The following FAAH2 variants were observed in gnomAD, a reference collection of about 807,000 sequenced individuals.
FAAH2 encodes fatty-acid amide hydrolase 2.
In FAAH2, 60 loss-of-function variants were observed where a neutral mutation model predicts 36.9. That is an observed-to-expected ratio of 1.63 (90% CI 1.32 to 2.02). FAAH2 has a LOEUF of 2.02. FAAH2 is among the 30% of genes most tolerant of loss of function. The pLI is 0.00. For synonymous variants in FAAH2, 214 were observed against 143.8 expected, an observed-to-expected ratio of 1.49 and a Z score of -3.49; for missense variants, 689 against 397.5, an observed-to-expected ratio of 1.73 and a Z score of -6.23.
intron 10 of FAAH2, among the ~76,000 whole-genome samples, chrX:57,475,142 G>A (rs74424632): frequency 2.7e-5 from 3 of 111,420 alleles, no homozygotes; most frequent in Non-Finnish European, 5.7e-5. Flanking sequence ...CATTTTGTAG[G>A]TTATCTGTTC....
chrX:57,322,029 C>T (rs1052994790), intron 3 of FAAH2, among the ~76,000 whole-genome samples: 1 of 81,107 alleles, frequency 1.2e-5, no homozygotes, highest in Non-Finnish European at 2.5e-5. Context: ...GAACATGAAA[C>T]TCCAGATTGC....
chrX:57,447,852 A>T (rs2056710779), intron 9 of FAAH2, among the ~76,000 whole-genome samples: 2 of 112,139 alleles, frequency 1.8e-5, no homozygotes, highest in South Asian at 7.4e-4. Flanking sequence ...TGCCCTGGAG[A>T]CATTTTCTCC....
At chrX:57,155,153 G>T in the FAAH2 span, among the ~76,000 whole-genome samples, 5 of 112,105 alleles carry the variant, frequency 4.5e-5, no homozygotes, top group African/African-American at 6.5e-5. Context: ...GTTTTGTGCT[G>T]GTTGGCCTCC....
the FAAH2 span, among the ~76,000 whole-genome samples, chrX:57,237,680 G>A: frequency 9.0e-6 from 1 of 110,597 alleles, no homozygotes; most frequent in South Asian, 3.8e-4. Context: ...CTTCTGCATA[G>A]CAAAAAAACC....
At chrX:57,272,130 T>A in the FAAH2 span, among the ~76,000 whole-genome samples, 3 of 102,721 alleles carry the variant, frequency 2.9e-5, no homozygotes, top group Non-Finnish European at 4.0e-5. Context: ...GCTGAATAGA[T>A]CAAGCAGAAG....
chrX:57,407,280 C>A (rs896396584), intron 7 of FAAH2, among the ~76,000 whole-genome samples: 3 of 111,802 alleles, frequency 2.7e-5, no homozygotes, highest in African/African-American at 6.5e-5. Context: ...GGGTGCAAAA[C>A]CTTTATGGCA....
At chrX:57,487,547 G>A (rs2057497825) in intron 10 of FAAH2, among the ~76,000 whole-genome samples, 1 of 111,584 alleles carries the variant, frequency 9.0e-6, no homozygotes, top group Non-Finnish European at 1.9e-5. Context: ...TTACTCATTA[G>A]GGAAATGCAT....
At chrX:57,287,321 G>C (rs1300363000) in intron 1 of FAAH2, among the ~76,000 whole-genome samples, 1 of 111,146 alleles carries the variant, frequency 9.0e-6, no homozygotes, top group Non-Finnish European at 1.9e-5. Flanking sequence ...CTGATTCTCA[G>C]CTATGGAAAG....
chrX:57,294,564 T>C (rs1457734571), intron 2 of FAAH2, among the ~76,000 whole-genome samples: 2 of 112,203 alleles, frequency 1.8e-5, no homozygotes, highest in Admixed American at 9.5e-5. Flanking sequence ...TCTTCTTCTT[T>C]ATTTATCATC....
At chrX:57,370,593 A>G (rs941215141) in intron 5 of FAAH2, among the ~76,000 whole-genome samples, 8 of 111,820 alleles carry the variant, frequency 7.2e-5, no homozygotes, top group African/African-American at 2.6e-4. Context: ...ACTCAGATAT[A>G]AACTATACTC....
chrX:57,219,584 G>A, the FAAH2 span, among the ~76,000 whole-genome samples: 1 of 112,421 alleles, frequency 8.9e-6, no homozygotes, highest in Non-Finnish European at 1.9e-5. Flanking sequence ...GCTCTGGCAT[G>A]TGCCAGGCAC....
intron 7 of FAAH2, among the ~76,000 whole-genome samples, chrX:57,413,608 T>A (rs1161163575): frequency 8.9e-6 from 1 of 112,076 alleles, no homozygotes; most frequent in Non-Finnish European, 1.9e-5. Context: ...CTGTTTTGGT[T>A]ACTGTAGCCT....
chrX:57,427,656 A>G (rs994518605), intron 7 of FAAH2, among the ~76,000 whole-genome samples: 5 of 112,038 alleles, frequency 4.5e-5, no homozygotes. Context: ...AGCAAAAGCC[A>G]TATGATCATC....
intron 8 of FAAH2, among the ~76,000 whole-genome samples, chrX:57,432,995 A>T (rs375747782): frequency 2.2e-3 from 238 of 109,616 alleles, no homozygotes; most frequent in African/African-American, 7.4e-3. Flanking sequence ...CACTTTTAAA[A>T]TTTTTTCAAA....
intron 7 of FAAH2, 28 bp downstream of exon 7, chrX:57,381,057 A>G (rs1430703100): frequency 1.9e-6 from 2 of 1,065,864 alleles, no homozygotes; most frequent in Non-Finnish European, 2.6e-6. Flanking sequence ...TTGTTTAGGA[A>G]TTATTTTTAG....
At chrX:57,270,977 A>G in the FAAH2 span, among the ~76,000 whole-genome samples, 1 of 112,069 alleles carries the variant, frequency 8.9e-6, no homozygotes, top group Non-Finnish European at 1.9e-5. Context: ...CCAATGAGAC[A>G]GAACCGTTCA....
intron 7 of FAAH2, among the ~76,000 whole-genome samples, chrX:57,418,539 C>T (rs1209322097): frequency 9.0e-6 from 1 of 110,836 alleles, no homozygotes; most frequent in Non-Finnish European, 1.9e-5. Flanking sequence ...CCTGCTTTGG[C>T]TCATCCTCCA....
At chrX:57,414,334 A>G (rs201499530) in intron 7 of FAAH2, among the ~76,000 whole-genome samples, 2 of 112,141 alleles carry the variant, frequency 1.8e-5, no homozygotes, top group East Asian at 5.6e-4. Flanking sequence ...CCTCGTCAGT[A>G]TGATATTGGC....
chrX:57,457,506 ACT>A (rs1187599627), intron 10 of FAAH2, among the ~76,000 whole-genome samples: 8 of 109,874 alleles, frequency 7.3e-5, no homozygotes, highest in Non-Finnish European at 1.1e-4. Context: ...AGAAAATCAA[ACT>A]CTCTCTCTTT....
Sources: gnomAD v4.1 joint callset for allele counts (sites outside exome capture counted in the v4.1 genomes callset) on GRCh38, gnomAD v4.1.1 for gene constraint, MANE v1.5 for transcripts, NCBI Gene and HGNC (gene_info 2026-07-23, HGNC 2026-07-21) for gene names.